The following ASMTL variants were observed in gnomAD, a reference collection of about 807,000 sequenced individuals.
ASMTL encodes probable bifunctional dTTP/UTP pyrophosphatase/methyltransferase protein.
A neutral mutation model predicts 60.3 loss-of-function variants in ASMTL; 57 were observed. The observed-to-expected ratio is 0.95, with a 90% confidence interval of 0.76 to 1.18. ASMTL has a LOEUF of 1.18. ASMTL is among the 50% of genes most tolerant of loss of function. ASMTL has a pLI of 0.00. For missense variants in ASMTL, 981 were observed against 852.6 expected (o/e 1.15, Z -1.88); for synonymous variants, 419 against 373.0 (o/e 1.12, Z -1.42).
Position 1,403,220 on chromosome X carries a change from CCTG to C in ASMTL, c.*46_*48del, listed in dbSNP as rs1603450005. On this transcript the variant is annotated 3_prime_UTR_variant, in exon 13 of 13. Transcript: ENST00000381317. Reference sequence around the variant, plus strand: ...TGGTACTTGGGGACCGGGCGGTCCACCTGCAGCCTGGGGGAGGACATCCCTATA... The same window carrying C: ...TGGTACTTGGGGACCGGGCGGTCCACCAGCCTGGGGGAGGACATCCCTATA... 1.9e-6 allele frequency: 3 copies of C among 1,549,904 alleles called. No individual in the cohort carries two copies. Among genetic ancestry groups the C allele is most frequent in the Middle Eastern group, 2.0e-4 (1 of 4,952 alleles).
At chrX:1,439,480 G>C (rs1275709627) in intron 2 of ASMTL, among the ~76,000 whole-genome samples, 1 of 152,122 alleles carries the variant, frequency 6.6e-6, no homozygotes, top group African/African-American at 2.4e-5. Context: ...TTTGATTCAG[G>C]GGCCCCAAAC....
chrX:1,429,528 G>C (rs1485122701), intron 6 of ASMTL, among the ~76,000 whole-genome samples: 15 of 151,886 alleles, frequency 9.9e-5, no homozygotes, highest in Non-Finnish European at 1.6e-4. Context: ...GCAGGTGTTG[G>C]GCTGGGCGCG....
chrX:1,406,809 GAATAGAT>G (rs2089867924), intron 12 of ASMTL, among the ~76,000 whole-genome samples: 1 of 151,648 alleles, frequency 6.6e-6, no homozygotes, highest in Non-Finnish European at 1.5e-5. Flanking sequence ...ATGGATGGGT[GAATAGAT>G]AATAGATGAT....
At chrX:1,417,290 C>T (rs1201601585) in intron 11 of ASMTL, among the ~76,000 whole-genome samples, 2 of 49,574 alleles carry the variant, frequency 4.0e-5, no homozygotes, top group Non-Finnish European at 1.0e-4. Context: ...CAAATGCAGA[C>T]ACAGACGGGC....
At chrX:1,422,493 A>G (rs1195190117) in intron 8 of ASMTL, among the ~76,000 whole-genome samples, 4 of 152,104 alleles carry the variant, frequency 2.6e-5, no homozygotes, top group African/African-American at 4.8e-5. Context: ...AGAGCCCCAA[A>G]TGATACAGGG....
At position 1,443,231 on chromosome X, in the gene ASMTL, C is replaced by T. The variant is rs1442049378; in HGVS notation, c.94-914G>A. ...CTGGGACACACACCGTCGTCGTGCA[C>T]ACACACCGCCGTCGTGGACACACGC... On this transcript the variant is annotated intron_variant, in intron 1 of 12. Coordinates refer to ENST00000381317, the MANE Select transcript of ASMTL (RefSeq NM_004192.4). Among the ~76,000 whole-genome samples, 4 of 132,368 alleles carry T rather than the reference C, an allele frequency of 3.0e-5. No homozygotes were observed. The South Asian group carries it at 8.5e-4, about 28-fold the overall frequency. The allele number at this position is 132,368 out of a possible 152,430, so 86.8% of individuals were successfully genotyped here.
chrX:1,445,545 G>A (rs1269882015), intron 1 of ASMTL, among the ~76,000 whole-genome samples: 4 of 152,074 alleles, frequency 2.6e-5, no homozygotes, highest in African/African-American at 9.7e-5. Context: ...ACCAGGAAAT[G>A]GCAAGAGGTT....
rs2091428687 is a variant in ASMTL at position 1,452,761 on chromosome X, A to T, written c.80T>A (p.Ile27Asn). Reference protein sequence around the residue: ...LASASPRRQEILSNAGLRFEV... With the variant: ...LASASPRRQENLSNAGLRFEV... Reference sequence around the variant, plus strand: ...CCCAGGCCGTACCGCGTTGCTGAGGATCTCCTGACGGCGTGGGGAGGCGCT... The same window carrying T: ...CCCAGGCCGTACCGCGTTGCTGAGGTTCTCCTGACGGCGTGGGGAGGCGCT... Residue 27 changes from isoleucine to asparagine, a missense_variant, in exon 1 of 13, where the codon ATC becomes AAC. By Grantham distance (149) the Ile-to-Asn change is moderately radical. Transcript: ENST00000381317. The T allele has an allele frequency of 1.3e-6, 2 of 1,593,412 alleles. No individual in the cohort carries two copies. Among genetic ancestry groups the T allele is most frequent in the South Asian group, 1.1e-5 (1 of 88,876 alleles).
At chrX:1,411,202 A>AGAT (rs1193030571) in intron 12 of ASMTL, among the ~76,000 whole-genome samples, 1 of 130,886 alleles carries the variant, frequency 7.6e-6, no homozygotes, top group African/African-American at 2.9e-5. Context: ...AAAAGAAGAG[A>AGAT]GATACACAGA....
intron 6 of ASMTL, among the ~76,000 whole-genome samples, chrX:1,429,152 C>A (rs1318756031): frequency 6.6e-6 from 1 of 151,632 alleles, no homozygotes; most frequent in Admixed American, 6.6e-5. Context: ...GCCTCGGCCC[C>A]CCAAAGTGCT....
chrX:1,450,792 G>GC (rs2091349571), intron 1 of ASMTL, among the ~76,000 whole-genome samples: 4 of 142,084 alleles, frequency 2.8e-5, no homozygotes, highest in Non-Finnish European at 6.1e-5. Flanking sequence ...CCAACCCTAG[G>GC]GGTCCCAGGT....
intron 9 of ASMTL, 119 bp downstream of exon 9, chrX:1,421,539 G>A (rs1261494601): frequency 1.7e-6 from 2 of 1,144,904 alleles, no homozygotes; most frequent in South Asian, 1.4e-5. Context: ...AACGAGCCAA[G>A]CCTTTGGGAT....
chrX:1,439,591 C>A (rs1340198735), intron 2 of ASMTL, among the ~76,000 whole-genome samples: 2 of 152,246 alleles, frequency 1.3e-5, no homozygotes, highest in African/African-American at 2.4e-5. Context: ...TCACGCCTGT[C>A]ATCCCAGCAC....
intron 5 of ASMTL, among the ~76,000 whole-genome samples, chrX:1,432,924 C>G (rs2090844169): frequency 6.6e-6 from 1 of 152,296 alleles, no homozygotes; most frequent in Non-Finnish European, 1.5e-5. Context: ...ATGGCGAAAC[C>G]CCGTCTCTAC....
chrX:1,419,920 C>T (rs1418329161), intron 9 of ASMTL, among the ~76,000 whole-genome samples: 2 of 152,170 alleles, frequency 1.3e-5, no homozygotes, highest in African/African-American at 4.8e-5. Context: ...CTCTCTGACT[C>T]TTTCTCCCTT....
In ASMTL at chrX:1,439,112, T is replaced by G; in HGVS notation, c.258A>C (p.Gly86=). ...CCGCACTCACCACGATCGTGTCCGC[T>G]CCAATGACCACGTCGGGGGCCCGCA... ...KDLRAPDVVI[G]ADTIVTVGGL... is the part of the protein sequence containing the mutation. The change falls in exon 3 of 13, where the codon GGA becomes GGC. Residue 86 remains glycine, a synonymous_variant. Transcript: ENST00000381317. 1 of 1,613,982 alleles carries G rather than the reference T, an allele frequency of 6.2e-7. No homozygotes were observed. The highest frequency in any genetic ancestry group is 8.5e-7 in the Non-Finnish European group (1 of 1,179,860).
intron 11 of ASMTL, among the ~76,000 whole-genome samples, chrX:1,415,818 AC>A (rs2090224256): frequency 1.3e-5 from 2 of 152,202 alleles, no homozygotes; most frequent in African/African-American, 4.8e-5. Flanking sequence ...GCAGAGAGAC[AC>A]GCACAGGCAG....
chrX:1,432,483 A>C (rs2090823504), intron 5 of ASMTL, 106 bp from the exon 6 acceptor site: 2 of 806,710 alleles, frequency 2.5e-6, no homozygotes, highest in Non-Finnish European at 4.3e-6. Flanking sequence ...AGCGCAGCGC[A>C]CAGTTCAGAT....
At chrX:1,446,047 G>A (rs1219951955) in intron 1 of ASMTL, among the ~76,000 whole-genome samples, 1 of 152,092 alleles carries the variant, frequency 6.6e-6, no homozygotes, top group Admixed American at 6.6e-5. Flanking sequence ...TGCTTCAGTG[G>A]TCACACGCTC....
Sources: allele counts gnomAD v4.1 joint callset (sites outside exome capture counted in the v4.1 genomes callset), GRCh38; gene constraint gnomAD v4.1.1; transcripts MANE v1.5; gene names NCBI Gene and HGNC (gene_info 2026-07-23, HGNC 2026-07-21).